Variants in TRPS1 observed in about 807,000 individuals in gnomAD.
TRPS1 encodes transcriptional repressor GATA binding 1.
In TRPS1, 6 loss-of-function variants were observed where a neutral mutation model predicts 101.2. The observed-to-expected ratio is 0.06, with a 90% CI of 0.03 to 0.12. The LOEUF is 0.12. TRPS1 is among the 10% of genes least tolerant of loss of function. The probability of loss-of-function intolerance (pLI) is 1.00; values close to 1 mark genes in which losing one functional copy is unlikely to be tolerated. For missense variants in TRPS1, 1,363 were observed against 1,567.0 expected, an observed-to-expected ratio of 0.87 and a Z score of 2.20; for synonymous variants, 578 against 589.8, an observed-to-expected ratio of 0.98 and a Z score of 0.29.
At chr8:115,546,638 C>T (rs58359352) in intron 5 of TRPS1, among the ~76,000 whole-genome samples, 4,838 of 150,700 alleles carry the variant, frequency 0.032, 244 homozygotes, top group African/African-American at 0.11. Flanking sequence ...TAGTGTTTAA[C>T]TAATGTAACA....
chr8:115,594,172 G>C (rs570156118), intron 4 of TRPS1, among the ~76,000 whole-genome samples: 12 of 152,130 alleles, frequency 7.9e-5, no homozygotes, highest in Admixed American at 6.5e-4. Flanking sequence ...CCCTTCATTA[G>C]TTAAAAACTC....
chr8:115,582,710 T>A (rs1366763054), intron 5 of TRPS1, among the ~76,000 whole-genome samples: 1 of 151,986 alleles, frequency 6.6e-6, no homozygotes, highest in Non-Finnish European at 1.5e-5. Context: ...GGAACTCAAC[T>A]CCCCAGGCCC....
intron 5 of TRPS1, among the ~76,000 whole-genome samples, chr8:115,501,413 T>C (rs1274359275): frequency 6.6e-6 from 1 of 152,204 alleles, no homozygotes; most frequent in Non-Finnish European, 1.5e-5. Flanking sequence ...AATCTAGTTA[T>C]CTACAAACGA....
chr8:115,504,672 T>A (rs1262841411), intron 5 of TRPS1, among the ~76,000 whole-genome samples: 1 of 152,148 alleles, frequency 6.6e-6, no homozygotes, highest in African/African-American at 2.4e-5. Flanking sequence ...TCAGGCCATA[T>A]GATTATGAGT....
At chr8:115,586,952 CT>C in intron 5 of TRPS1, 48 bp downstream of exon 5, 1 of 1,610,644 alleles carries the variant, frequency 6.2e-7, no homozygotes. Context: ...TGTGTTCCTC[CT>C]TTTGCCCTTC....
chr8:115,655,945 C>A (rs951630867), intron 1 of TRPS1, among the ~76,000 whole-genome samples: 9 of 152,108 alleles, frequency 5.9e-5, no homozygotes, highest in African/African-American at 2.2e-4. Flanking sequence ...CCTGACATCA[C>A]AGGAACCAAA....
chr8:115,640,164 A>G (rs1818862808), intron 1 of TRPS1, among the ~76,000 whole-genome samples: 1 of 152,114 alleles, frequency 6.6e-6, no homozygotes, highest in South Asian at 2.1e-4. Flanking sequence ...AATTTCCAAG[A>G]AAAAAAATTC....
chr8:115,443,133 G>A (rs990298299), intron 5 of TRPS1, among the ~76,000 whole-genome samples: 2 of 151,578 alleles, frequency 1.3e-5, no homozygotes, highest in Admixed American at 6.6e-5. Context: ...AGCTGGACGT[G>A]GTGGCATATT....
chr8:115,415,001 C>G lies in TRPS1; in HGVS notation c.2907G>C (p.Glu969Asp), dbSNP rs575989503. 8 of 1,577,342 alleles carry G rather than the reference C, an allele frequency of 5.1e-6. No individual in the cohort carries two copies. The East Asian group carries it at 1.6e-4, about 31-fold the overall frequency. ...TGTTGAGCTGCTCAGCCTGAAGTGCCTCTGGGTTAAGGCGCTTTCTTGTTC... is the reference window on the plus strand; with the variant it reads ...TGTTGAGCTGCTCAGCCTGAAGTGCGTCTGGGTTAAGGCGCTTTCTTGTTC... ...RRRTRKRLNP[E>D]ALQAEQLNKQ... Residue 969 changes from glutamate to aspartate, a missense_variant, in exon 7 of 7, where the codon GAG becomes GAC. Glu to Asp is a conservative substitution (Grantham distance 45). Around this residue, in one of 5 missense-constraint regions of TRPS1, gnomAD observed 307 missense variants for 392.4 expected, o/e 0.78. Transcript: ENST00000395715.
intron 5 of TRPS1, among the ~76,000 whole-genome samples, chr8:115,491,517 G>A (rs1038744451): frequency 6.6e-6 from 1 of 152,104 alleles, no homozygotes; most frequent in Non-Finnish European, 1.5e-5. Context: ...GCGTATGCCT[G>A]TAGTCCCCAC....
intron 5 of TRPS1, among the ~76,000 whole-genome samples, chr8:115,497,837 C>A (rs183680809): frequency 6.6e-6 from 1 of 152,186 alleles, no homozygotes; most frequent in East Asian, 1.9e-4. Context: ...TGGGCATATA[C>A]CAATCAGGTG....
intron 5 of TRPS1, among the ~76,000 whole-genome samples, chr8:115,448,528 T>G (rs1477458358): frequency 6.6e-6 from 1 of 152,154 alleles, no homozygotes; most frequent in East Asian, 1.9e-4. Flanking sequence ...TTTCATGCTT[T>G]AGGCCTTTGG....
At chr8:115,543,804 C>A (rs544124704) in intron 5 of TRPS1, among the ~76,000 whole-genome samples, 14 of 152,082 alleles carry the variant, frequency 9.2e-5, no homozygotes, top group African/African-American at 1.9e-4. Flanking sequence ...AGATCAATTA[C>A]CTATCTTATA....
At chr8:115,540,818 A>G (rs1447317706) in intron 5 of TRPS1, among the ~76,000 whole-genome samples, 3 of 151,828 alleles carry the variant, frequency 2.0e-5, no homozygotes, top group Non-Finnish European at 4.4e-5. Flanking sequence ...CAACTTACGC[A>G]CCCCATAAAT....
intron 5 of TRPS1, among the ~76,000 whole-genome samples, chr8:115,542,459 G>C (rs1176319078): frequency 6.6e-6 from 1 of 151,896 alleles, no homozygotes; most frequent in Non-Finnish European, 1.5e-5. Flanking sequence ...TATTTCTGGG[G>C]GCAGTGTTAA....
At chr8:115,466,395 T>C (rs1327741296) in intron 5 of TRPS1, among the ~76,000 whole-genome samples, 17 of 152,188 alleles carry the variant, frequency 1.1e-4, no homozygotes, top group Admixed American at 1.1e-3. Context: ...ACAAATGTAA[T>C]TGAGGCAAGT....
At chr8:115,540,634 T>C (rs1470640462) in intron 5 of TRPS1, among the ~76,000 whole-genome samples, 2 of 151,842 alleles carry the variant, frequency 1.3e-5, no homozygotes, top group East Asian at 3.8e-4. Context: ...ACCATTTAAA[T>C]TACTAATTAT....
chr8:115,416,312 T>C (rs930682871), intron 6 of TRPS1, among the ~76,000 whole-genome samples: 24 of 151,924 alleles, frequency 1.6e-4, no homozygotes, highest in African/African-American at 5.1e-4. Context: ...AGCTCTTTGA[T>C]GTATAAAATC....
At chr8:115,420,224 T>G (rs1414537962) in intron 5 of TRPS1, among the ~76,000 whole-genome samples, 1 of 152,034 alleles carries the variant, frequency 6.6e-6, no homozygotes, top group African/African-American at 2.4e-5. Context: ...CAATAGCAAA[T>G]GTTGGGTGTC....
Sources: allele counts gnomAD v4.1 joint callset (sites outside exome capture counted in the v4.1 genomes callset), GRCh38; gene constraint gnomAD v4.1.1; regional missense constraint gnomAD v4.1.1; transcripts MANE v1.5; gene names NCBI Gene and HGNC (gene_info 2026-07-23, HGNC 2026-07-21).